The following STK3 variants were observed in gnomAD, a reference collection of about 807,000 sequenced individuals.
The protein encoded by STK3 is serine/threonine-protein kinase 3.
In STK3, 41 loss-of-function variants were observed where a neutral mutation model predicts 58.0. That is an observed-to-expected ratio of 0.71 (90% CI 0.55 to 0.92). The LOEUF (loss-of-function observed/expected upper bound fraction) is 0.92. Among genes scored for constraint, STK3 ranks in the 40% least tolerant of loss-of-function variants. STK3 has a pLI of 0.00. For synonymous variants in STK3, 170 were observed against 191.0 expected (o/e 0.89, Z 0.91); for missense variants, 479 against 602.7 (o/e 0.79, Z 2.15).
rs899958893 is a variant in STK3 at position 98,934,909 on chromosome 8, G to A, written c.-79+7469C>T. ...TCCAGCCTGGGCAACAGAGCGAGAC[G>A]CCGTCTCAAAAATAAAATAAAATAA... On this transcript the variant is annotated intron_variant, in intron 1 of 1. Transcript: ENST00000519420. Among the ~76,000 whole-genome samples, 9 of 128,590 alleles carry A rather than the reference G, an allele frequency of 7.0e-5. No individual in the cohort carries two copies. The East Asian group carries it at 9.7e-4, about 14-fold the overall frequency. 84.4% of individuals were successfully genotyped at this position (128,590 alleles called of 152,430 possible). A position where few individuals can be genotyped will look rare whatever the true frequency, so the allele number is the denominator to read the frequency against.
intron 1 of STK3, among the ~76,000 whole-genome samples, chr8:98,823,192 T>C (rs1835020588): frequency 6.6e-6 from 1 of 151,638 alleles, no homozygotes; most frequent in South Asian, 2.1e-4. Flanking sequence ...ACAAACTAGA[T>C]GGGATAATGA....
At chr8:98,459,552 G>A (rs949363915) in intron 10 of STK3, among the ~76,000 whole-genome samples, 9 of 152,256 alleles carry the variant, frequency 5.9e-5, no homozygotes, top group Non-Finnish European at 1.0e-4. Context: ...AGACAATGGG[G>A]AAAATGTCTC....
chr8:98,839,842 A>C (rs1835896878), intron 3 of STK3, among the ~76,000 whole-genome samples: 1 of 152,174 alleles, frequency 6.6e-6, no homozygotes, highest in African/African-American at 2.4e-5. Flanking sequence ...ATAAATCATC[A>C]TCCAAGGGTT....
At chr8:98,675,383 C>T (rs918648776) in intron 6 of STK3, among the ~76,000 whole-genome samples, 16 of 152,112 alleles carry the variant, frequency 1.1e-4, no homozygotes, top group African/African-American at 2.7e-4. Flanking sequence ...TTTTCTTGCA[C>T]GTCATGAGTT....
intron 1 of STK3, among the ~76,000 whole-genome samples, chr8:98,934,633 A>G (rs1840130161): frequency 6.6e-6 from 1 of 152,240 alleles, no homozygotes; most frequent in Non-Finnish European, 1.5e-5. Context: ...TGACATATGT[A>G]GGCCGGGCAC....
chr8:98,461,525 T>C (rs1819976980), intron 10 of STK3, among the ~76,000 whole-genome samples: 1 of 152,182 alleles, frequency 6.6e-6, no homozygotes, highest in South Asian at 2.1e-4. Context: ...AGTCATCACG[T>C]TGGTTGTTTT....
Position 98,588,518 on chromosome 8 carries a change from G to A in STK3, c.822+7514C>T, listed in dbSNP as rs1405340949. ...TGAGGGTAACCCGACCTTTCTCTCTGGCTGCCCTTAACATTTTTTCCTTCA... is the reference window on the plus strand; with the variant it reads ...TGAGGGTAACCCGACCTTTCTCTCTAGCTGCCCTTAACATTTTTTCCTTCA... On this transcript the variant is annotated intron_variant, in intron 7 of 10. Transcript: ENST00000419617. Among the ~76,000 whole-genome samples the A allele has an allele frequency of 2.0e-5, 3 of 151,658 alleles. No homozygotes were observed. The East Asian group carries it at 5.8e-4, about 29-fold the overall frequency.
At chr8:98,842,512 CA>C (rs1355748558) in intron 3 of STK3, among the ~76,000 whole-genome samples, 1 of 151,798 alleles carries the variant, frequency 6.6e-6, no homozygotes, top group Non-Finnish European at 1.5e-5. Flanking sequence ...CAAGTCTCTA[CA>C]AAAAAATGCA....
Position 98,428,065 on chromosome 8 carries a change from G to C in STK3, n.483+6062C>G. On this transcript the variant is annotated intron_variant and non_coding_transcript_variant, in intron 3 of 3. Coordinates refer to the STK3 transcript ENST00000517832. The surrounding 1 kb of genome is among the most constrained non-coding windows in gnomAD (Gnocchi z 6.7). ...ATCAATGTGGGCGGCTTCAAGAGGA[G>C]GCTGCGCTCGCACACGCTGCTGCGC... 1 of 1,613,332 alleles carries C rather than the reference G, an allele frequency of 6.2e-7. No individual in the cohort carries two copies. The highest frequency in any genetic ancestry group is 8.5e-7 in the Non-Finnish European group (1 of 1,179,666).
intron 6 of STK3, among the ~76,000 whole-genome samples, chr8:98,703,785 G>A (rs1431222044): frequency 6.6e-6 from 1 of 152,060 alleles, no homozygotes. Flanking sequence ...ACTACCATAG[G>A]AAGGCCCACA....
rs577432282 is a variant in STK3, at chr8:98,486,445, C to T, written c.1318-30445G>A. ...AGGTGTGTGTAAAGCCACTAAAGAC[C>T]GTGTAAAAGTGCTGAAAAGGTTCAA... On this transcript the variant is annotated intron_variant, in intron 10 of 10. Coordinates refer to ENST00000419617, the MANE Select transcript of STK3 (RefSeq NM_006281.4). 1.1e-4 allele frequency among the ~76,000 whole-genome samples: 17 copies of T among 152,232 alleles called. 1 individual carries two copies. The South Asian group carries it at 3.1e-3, about 28-fold the overall frequency.
intron 6 of STK3, among the ~76,000 whole-genome samples, chr8:98,611,020 C>G (rs1273377652): frequency 6.6e-6 from 1 of 152,040 alleles, no homozygotes; most frequent in Non-Finnish European, 1.5e-5. Flanking sequence ...ATAGAGACTA[C>G]AAAACTTAAG....
At chr8:98,710,502 C>A (rs1249042536) in intron 4 of STK3, among the ~76,000 whole-genome samples, 2 of 152,230 alleles carry the variant, frequency 1.3e-5, no homozygotes, top group African/African-American at 4.8e-5. Context: ...ATATCCCGCG[C>A]CTGGCTTGGA....
At chr8:98,899,488 CAA>C (rs949048498) in intron 1 of STK3, among the ~76,000 whole-genome samples, 1 of 152,026 alleles carries the variant, frequency 6.6e-6, no homozygotes, top group African/African-American at 2.4e-5. Flanking sequence ...ATATTAATAA[CAA>C]TGATTTATAT....
At chr8:98,571,869 G>C (rs1012765582) in intron 8 of STK3, among the ~76,000 whole-genome samples, 2 of 152,026 alleles carry the variant, frequency 1.3e-5, no homozygotes, top group African/African-American at 4.8e-5. Flanking sequence ...ACTTAACATT[G>C]TGATCCTTAA....
At chr8:98,832,737 ATTT>A (rs1835585462) in intron 3 of STK3, among the ~76,000 whole-genome samples, 1 of 151,854 alleles carries the variant, frequency 6.6e-6, no homozygotes, top group African/African-American at 2.4e-5. Flanking sequence ...CTAGGATTTA[ATTT>A]CTATTTCTCA....
intron 7 of STK3, among the ~76,000 whole-genome samples, chr8:98,585,755 A>G (rs143660434): frequency 0.011 from 1,663 of 152,082 alleles, 43 homozygotes; most frequent in African/African-American, 0.038. Context: ...ATTTGTTTGT[A>G]TCCTCTTCTA....
intron 1 of STK3, among the ~76,000 whole-genome samples, chr8:98,778,348 T>C (rs531476211): frequency 6.6e-6 from 1 of 152,116 alleles, no homozygotes; most frequent in African/African-American, 2.4e-5. Context: ...TCACACCAGT[T>C]AGAATGGCAA....
chr8:98,370,297 C>G (rs148465015), downstream of STK3, among the ~76,000 whole-genome samples: 162 of 149,388 alleles, frequency 1.1e-3, 2 homozygotes, highest in East Asian at 0.019. Context: ...ACTAGAGAGG[C>G]CTGTTAAAAA....
Sources: allele counts gnomAD v4.1 joint callset (sites outside exome capture counted in the v4.1 genomes callset), GRCh38; gene constraint gnomAD v4.1.1; non-coding constraint Gnocchi (gnomAD v3.1); transcripts MANE v1.5; gene names NCBI Gene and HGNC (gene_info 2026-07-23, HGNC 2026-07-21).